The following SHC1 variants were observed in gnomAD, a reference collection of about 807,000 sequenced individuals.
The protein encoded by SHC1 is SHC-transforming protein 1.
A neutral mutation model predicts 55.9 loss-of-function variants in SHC1; 30 were observed. The ratio of observed to expected loss-of-function variants is 0.54; its 90% CI spans 0.40 to 0.73. The LOEUF (loss-of-function observed/expected upper bound fraction) is 0.73. Ranked by LOEUF, SHC1 falls within the 30% of genes least tolerant of loss-of-function variation. The probability of loss-of-function intolerance (pLI) is 0.00; values close to 1 mark genes in which losing one functional copy is unlikely to be tolerated. For missense variants in SHC1, 675 were observed against 777.1 expected (o/e 0.87, Z 1.56); for synonymous variants, 309 against 306.1 (o/e 1.01, Z -0.10).
Position 154,966,195 on chromosome 1 carries a change from G to C in SHC1, c.1219C>G (p.Arg407Gly). Residue 407 changes from arginine (R) to glycine (G), a missense_variant, in exon 9 of 12, where the codon CGC becomes GGC. Physicochemically the swap from Arg to Gly is moderately radical, Grantham distance 125. Transcript: ENST00000448116. ...GGTGGTGGAGGTGGCATCTGTTTGC[G>C]GACTTCTGGATCTCCCCCAACAGGC... ...GQPVGGDPEV[R>G]KQMPPPPPCP... 1 of 1,614,062 alleles carries C rather than the reference G, an allele frequency of 6.2e-7. No individual in the cohort carries two copies. The highest frequency in any genetic ancestry group is 1.3e-5 in the African/African-American group (1 of 74,984).
At chr1:154,966,621 T>TA (rs1308151235) in intron 7 of SHC1, 104 bp from the exon 8 acceptor site, 7 of 771,330 alleles carry the variant, frequency 9.1e-6, no homozygotes, top group African/African-American at 1.8e-5. Flanking sequence ...TACTATGGAT[T>TA]AAGCCTGAGG....
Position 154,970,548 on chromosome 1 carries a change from G to A in SHC1, c.-22C>T, listed in dbSNP as rs115587781. The A allele has an allele frequency of 1.5e-3, 2,356 of 1,574,654 alleles. 34 individuals carry two copies. The African/African-American group carries it at 0.027, about 18-fold the overall frequency. ...CCATAGTTGAGGTGAAAGAGGGGCTGCTGCCCAGCCTGGCCCCCCTGCCAG... is the reference window on the plus strand; with the variant it reads ...CCATAGTTGAGGTGAAAGAGGGGCTACTGCCCAGCCTGGCCCCCCTGCCAG... On this transcript the variant is annotated 5_prime_UTR_variant, in exon 1 of 12. Coordinates refer to ENST00000448116, the MANE Select transcript of SHC1 (RefSeq NM_001130040.2). The surrounding 1 kb of genome is among the most constrained non-coding windows in gnomAD (Gnocchi z 5.5).
At position 154,969,400 on chromosome 1, in the gene SHC1, T is replaced by G; in HGVS notation, c.544A>C (p.Asn182His). The change falls in exon 2 of 12, where the codon AAC becomes CAC. Residue 182 changes from asparagine (N) to histidine (H), a missense_variant. Physicochemically the swap from Asn to His is moderately conservative, Grantham distance 68. Around this residue, in one of 3 missense-constraint regions of SHC1, gnomAD observed 159 missense variants for 246.9 expected, o/e 0.64. Transcript: ENST00000448116. Reference protein sequence around the residue: ...VLQSMRALDFNTRTQVTREAI... With the variant: ...VLQSMRALDFHTRTQVTREAI... The stretch of plus-strand genomic sequence containing the variant: ...AACCTGGTGACCTGAGTCCGGGTGT[T>G]GAAGTCCAGGGCACGCATTGACTGG... 6.2e-7 allele frequency: 1 copy of G among 1,612,004 alleles called. No homozygotes were observed. The highest frequency in any genetic ancestry group is 8.5e-7 in the Non-Finnish European group (1 of 1,178,808).
chr1:154,966,348 G>A lies in SHC1; in HGVS notation c.1153C>T (p.Gln385Ter). The change falls in exon 8 of 12, where the codon CAG (glutamine) becomes TAG (stop). Residue 385 changes from glutamine to a stop codon, truncating the protein, a stop_gained. Coordinates refer to ENST00000448116, the MANE Select transcript of SHC1 (RefSeq NM_001130040.2). LOFTEE classifies it high-confidence loss of function. ...GTAGCTCCCAAGTGGCTGGGGGTCT[G>A]GGCATTGGGTGCAGTGGGTCGAGCA... ...GAARPTAPNAQTPSHLGATLP... is the reference protein window; with the variant it reads ...GAARPTAPNA The A allele has an allele frequency of 6.2e-7, 1 of 1,614,122 alleles. No homozygotes were observed. The highest frequency in any genetic ancestry group is 8.5e-7 in the Non-Finnish European group (1 of 1,179,958).
Position 154,967,685 on chromosome 1 carries a change from G to A in SHC1, c.969C>T (p.Val323=), listed in dbSNP as rs747706530. Residue 323 remains valine, a synonymous_variant, in exon 7 of 12, where the codon GTC becomes GTT. Transcript: ENST00000448116. ...CACCTGCTCACCTGTCATGAGGGGT[G>A]ACCAGTTTGGGTGGGTTCCTGAGGT... ...KQYLRNPPKL[V]TPHDRMAGFD... 6 of 1,613,706 alleles carry A rather than the reference G, an allele frequency of 3.7e-6. No individual in the cohort carries two copies. Among genetic ancestry groups the A allele is most frequent in the Non-Finnish European group, 5.1e-6 (6 of 1,179,820 alleles).
upstream of SHC1, among the ~76,000 whole-genome samples, chr1:154,971,027 C>T (rs1321881547): frequency 2.0e-5 from 3 of 152,022 alleles, no homozygotes; most frequent in Non-Finnish European, 4.4e-5. Context: ...AGGTCTGGGT[C>T]ACTCAAAACC....
At position 154,966,418 on chromosome 1, in the gene SHC1, C is replaced by G. The variant is rs1470473984; in HGVS notation, c.1083G>C (p.Gly361=). 6.2e-7 allele frequency: 1 copy of G among 1,613,836 alleles called. No individual in the cohort carries two copies. The highest frequency in any genetic ancestry group is 8.5e-7 in the Non-Finnish European group (1 of 1,179,856). Residue 361 remains glycine, a synonymous_variant, in exon 8 of 12, where the codon GGG becomes GGC. Coordinates refer to ENST00000448116, the MANE Select transcript of SHC1 (RefSeq NM_001130040.2). ...NDFPGKEPPL[G]GVVDMRLREG... ...CCCGAAGCCTCATGTCTACCACCCC[C>G]CCCAAGGGGGGTTCCTTCCCCGGGA...
Position 154,966,322 on chromosome 1 carries a change from T to C in SHC1, c.1179A>G (p.Thr393=), listed in dbSNP as rs770670841. ...NAQTPSHLGA[T]LPVGQPVGGD... ...CGCCTCCATCCAAGCAACTTACCAA[T>C]GTAGCTCCCAAGTGGCTGGGGGTCT... The change falls in exon 8 of 12, where the codon ACA becomes ACG. Residue 393 remains threonine (T), a synonymous_variant. Transcript: ENST00000448116. 36 of 1,613,762 alleles carry C rather than the reference T, an allele frequency of 2.2e-5. No individual in the cohort carries two copies. The highest frequency in any genetic ancestry group is 2.7e-5 in the Non-Finnish European group (32 of 1,179,724).
chr1:154,964,000 G>A, intron 11 of SHC1, 69 bp from the exon 12 acceptor site: 3 of 1,550,660 alleles, frequency 1.9e-6, no homozygotes, highest in Non-Finnish European at 2.7e-6. Context: ...CTCCAAGGTG[G>A]AAGAGGGTGA....
chr1:154,969,755 T>C (rs986437545), intron 1 of SHC1, among the ~76,000 whole-genome samples: 4 of 151,342 alleles, frequency 2.6e-5, no homozygotes, highest in Non-Finnish European at 4.4e-5. Flanking sequence ...CAAGAAGTCA[T>C]TCATTCCAAC....
In SHC1 at chr1:154,970,638, C is replaced by G. The variant is rs1656650531; in HGVS notation, c.-112G>C. The G allele has an allele frequency of 1.5e-6, 1 of 684,118 alleles. No individual in the cohort carries two copies. The highest frequency in any genetic ancestry group is 2.9e-5 in the Admixed American group (1 of 34,674). The allele number at this position is 684,118 out of a possible 1,614,324, so 42.4% of individuals were successfully genotyped here. On this transcript the variant is annotated 5_prime_UTR_variant, in exon 1 of 12. Coordinates refer to ENST00000448116, the MANE Select transcript of SHC1 (RefSeq NM_001130040.2). The surrounding 1 kb of genome is among the most constrained non-coding windows in gnomAD (Gnocchi z 5.5). Reference sequence around the variant, plus strand: ...TTAGCCTGGTTGGACCTCTGTGGCCCAGGAGTCACAGAAGTCCTGGGGAGG... The same window carrying G: ...TTAGCCTGGTTGGACCTCTGTGGCCGAGGAGTCACAGAAGTCCTGGGGAGG...
At chr1:154,967,555 A>G in intron 7 of SHC1, 116 bp downstream of exon 7, 1 of 1,104,944 alleles carries the variant, frequency 9.1e-7, no homozygotes, top group Non-Finnish European at 1.3e-6. Context: ...GGAAGTGGGA[A>G]GCAGAGGCAC....
chr1:154,967,671 C>G lies in SHC1; in HGVS notation c.983G>C (p.Arg328Thr). 6.2e-7 allele frequency: 1 copy of G among 1,613,592 alleles called. No individual in the cohort carries two copies. Among genetic ancestry groups the G allele is most frequent in the Non-Finnish European group, 8.5e-7 (1 of 1,179,680 alleles). Residue 328 changes from arginine to threonine, a missense_variant and splice_region_variant, in exon 7 of 12, where the codon AGG becomes ACG. Transcript: ENST00000448116. ...CTCCACACTCTCCCCACCTGCTCAC[C>G]TGTCATGAGGGGTGACCAGTTTGGG... ...NPPKLVTPHD[R>T]MAGFDGSAWD...
chr1:154,966,950 A>C (rs1294873223), intron 7 of SHC1, among the ~76,000 whole-genome samples: 6 of 152,206 alleles, frequency 3.9e-5, no homozygotes, highest in Admixed American at 3.3e-4. Flanking sequence ...CAGAATAAAA[A>C]TACTACTACT....
rs1277910342 is a variant in SHC1, at chr1:154,968,508, G to A, written c.737C>T (p.Ala246Val). The A allele has an allele frequency of 6.2e-7, 1 of 1,613,948 alleles. No homozygotes were observed. The highest frequency in any genetic ancestry group is 8.5e-7 in the Non-Finnish European group (1 of 1,180,018). The change falls in exon 4 of 12, where the codon GCA becomes GTA. Residue 246 changes from alanine to valine, a missense_variant. This residue lies in a region of SHC1 where 159 missense variants were observed against 246.9 expected (regional missense o/e 0.64). Coordinates refer to ENST00000448116, the MANE Select transcript of SHC1 (RefSeq NM_001130040.2). Reference protein sequence around the residue: ...VSTSSLNLMAADCKQIIANHH... With the variant: ...VSTSSLNLMAVDCKQIIANHH... ...ACCTTCACCAACCTGTTTGCAGTCT[G>A]CGGCCATGAGGTTGAGGCTGCTGGT...
upstream of SHC1, among the ~76,000 whole-genome samples, chr1:154,972,176 C>T (rs1227441956): frequency 2.0e-5 from 3 of 150,634 alleles, no homozygotes; most frequent in Non-Finnish European, 4.4e-5. Flanking sequence ...ACCCAGGAGG[C>T]GGAGGTTGCA....
Position 154,963,754 on chromosome 1 carries a change from G to A in SHC1, c.*49C>T. The A allele has an allele frequency of 6.2e-7, 1 of 1,603,724 alleles. No homozygotes were observed. The highest frequency in any genetic ancestry group is 1.1e-5 in the South Asian group (1 of 90,608). ...ACGAGGTCCCGAGAGTTAGGGAATA[G>A]GGTGGAAAGGATTGGAGGGCATCTT... On this transcript the variant is annotated 3_prime_UTR_variant, in exon 12 of 12. Transcript: ENST00000448116.
At chr1:154,973,123 G>A (rs1656900710), upstream of SHC1, among the ~76,000 whole-genome samples, 1 of 152,244 alleles carries the variant, frequency 6.6e-6, no homozygotes, top group East Asian at 1.9e-4. Flanking sequence ...AGGAAGTGAG[G>A]CTGGGAGTCT....
At chr1:154,969,230 G>GGTGGGA in intron 2 of SHC1, 148 bp downstream of exon 2, 1 of 653,868 alleles carries the variant, frequency 1.5e-6, no homozygotes. Context: ...AGTAAGAGGC[G>GGTGGGA]GAATCACTAC....
Sources: allele counts gnomAD v4.1 joint callset (sites outside exome capture counted in the v4.1 genomes callset), GRCh38; gene constraint gnomAD v4.1.1; regional missense constraint gnomAD v4.1.1; non-coding constraint Gnocchi (gnomAD v3.1); transcripts MANE v1.5; gene names NCBI Gene and HGNC (gene_info 2026-07-23, HGNC 2026-07-21).